ADGRL3: variants seen among roughly 807,000 people sequenced by gnomAD.
ADGRL3 encodes adhesion G protein-coupled receptor L3.
In ADGRL3, 62 loss-of-function variants were observed where a neutral mutation model predicts 153.5. The observed-to-expected ratio is 0.40, with a 90% CI of 0.33 to 0.50. The LOEUF is 0.50. ADGRL3 is among the 20% of genes least tolerant of loss of function. The pLI is 0.47. For synonymous variants in ADGRL3, 710 were observed against 672.5 expected (o/e 1.06, Z -0.86); for missense variants, 1,641 against 1,859.4 (o/e 0.88, Z 2.16).
At chr4:61,283,658 C>A (rs781188639) in intron 1 of ADGRL3, among the ~76,000 whole-genome samples, 1 of 151,876 alleles carries the variant, frequency 6.6e-6, no homozygotes, top group Non-Finnish European at 1.5e-5. Context: ...ATGGTTCAGA[C>A]TTTATTCAAG....
chr4:61,882,218 A>G (rs2098512768), intron 9 of ADGRL3, among the ~76,000 whole-genome samples: 1 of 152,208 alleles, frequency 6.6e-6, no homozygotes. Context: ...TTGTATAAGA[A>G]GGACAAATTC....
intron 5 of ADGRL3, among the ~76,000 whole-genome samples, chr4:61,647,104 C>T (rs545694740): frequency 1.2e-4 from 18 of 152,252 alleles, no homozygotes; most frequent in African/African-American, 4.1e-4. Flanking sequence ...TTGTGCTTCC[C>T]GAGTGAGGCA....
chr4:61,433,827 C>A (rs954092136), intron 2 of ADGRL3, among the ~76,000 whole-genome samples: 3 of 152,056 alleles, frequency 2.0e-5, no homozygotes, highest in African/African-American at 4.8e-5. Context: ...TTTTTAAAAT[C>A]TTTTTCTGCC....
chr4:61,745,646 A>T (rs1189453713), intron 8 of ADGRL3, among the ~76,000 whole-genome samples: 1 of 152,090 alleles, frequency 6.6e-6, no homozygotes, highest in African/African-American at 2.4e-5. Context: ...ATACTTTACA[A>T]ACAAGCAAAT....
At chr4:61,644,430 G>A (rs182359979) in intron 5 of ADGRL3, among the ~76,000 whole-genome samples, 57 of 152,174 alleles carry the variant, frequency 3.7e-4, no homozygotes, top group African/African-American at 1.0e-3. Context: ...GGCATTTAGC[G>A]CTATAAATTT....
At chr4:61,257,145 A>G (rs1452041041) in intron 1 of ADGRL3, among the ~76,000 whole-genome samples, 1 of 152,118 alleles carries the variant, frequency 6.6e-6, no homozygotes. Flanking sequence ...ATTTTATTTC[A>G]CCTTCCAATA....
chr4:61,208,259 A>C (rs2148807262), intron 1 of ADGRL3, among the ~76,000 whole-genome samples: 1 of 152,242 alleles, frequency 6.6e-6, no homozygotes, highest in South Asian at 2.1e-4. Flanking sequence ...TAGGTTGAAT[A>C]AGCTATTGGA....
chr4:61,966,228 G>C (rs971663585), intron 17 of ADGRL3, among the ~76,000 whole-genome samples: 2 of 151,982 alleles, frequency 1.3e-5, no homozygotes, highest in Non-Finnish European at 2.9e-5. Context: ...GCACATAATA[G>C]GTACCCAATA....
chr4:61,207,157 A>C (rs547676376), intron 1 of ADGRL3, among the ~76,000 whole-genome samples: 1 of 152,060 alleles, frequency 6.6e-6, no homozygotes, highest in East Asian at 1.9e-4. Flanking sequence ...CCATCAACCC[A>C]TCATCTACAT....
At chr4:61,516,593 T>G (rs905590558) in intron 3 of ADGRL3, among the ~76,000 whole-genome samples, 7 of 151,424 alleles carry the variant, frequency 4.6e-5, no homozygotes, top group Non-Finnish European at 1.0e-4. Flanking sequence ...TCATGTATAC[T>G]TTTTTTTCAT....
At chr4:61,609,777 G>C (rs1468993275) in intron 5 of ADGRL3, among the ~76,000 whole-genome samples, 1 of 151,944 alleles carries the variant, frequency 6.6e-6, no homozygotes, top group Admixed American at 6.6e-5. Context: ...ATTAAATTAG[G>C]ACCCTCCAGC....
At chr4:61,924,471 T>C (rs1188193143) in intron 13 of ADGRL3, among the ~76,000 whole-genome samples, 2 of 152,176 alleles carry the variant, frequency 1.3e-5, no homozygotes, top group East Asian at 3.9e-4. Flanking sequence ...GAATTAATTT[T>C]CCAGCCAATT....
intron 8 of ADGRL3, among the ~76,000 whole-genome samples, chr4:61,741,316 T>C (rs1308420278): frequency 6.6e-6 from 1 of 152,212 alleles, no homozygotes; most frequent in Non-Finnish European, 1.5e-5. Flanking sequence ...AGATACCACA[T>C]TGTCTCTAAA....
intron 24 of ADGRL3, among the ~76,000 whole-genome samples, chr4:62,038,560 G>T (rs1018137461): frequency 6.6e-6 from 1 of 152,070 alleles, no homozygotes; most frequent in African/African-American, 2.4e-5. Context: ...ACATAGAGTG[G>T]TGTAGGTCAT....
chr4:61,422,397 G>A (rs1243566986), intron 2 of ADGRL3, among the ~76,000 whole-genome samples: 1 of 151,978 alleles, frequency 6.6e-6, no homozygotes, highest in East Asian at 1.9e-4. Context: ...CCAAGATTGT[G>A]GCAAACATAT....
At chr4:61,947,768 T>A (rs529391040) in intron 16 of ADGRL3, among the ~76,000 whole-genome samples, 20 of 152,330 alleles carry the variant, frequency 1.3e-4, no homozygotes, top group Admixed American at 1.0e-3. Context: ...TTTCTAAAGA[T>A]CATCCTTTCA....
At chr4:61,657,102 C>T (rs2094461888) in intron 5 of ADGRL3, among the ~76,000 whole-genome samples, 1 of 152,098 alleles carries the variant, frequency 6.6e-6, no homozygotes, top group Admixed American at 6.6e-5. Context: ...CAATAAAAAA[C>T]ATGTGTTTTT....
chr4:61,458,164 G>C (rs2097773798), intron 2 of ADGRL3, among the ~76,000 whole-genome samples: 2 of 151,318 alleles, frequency 1.3e-5, no homozygotes, highest in Admixed American at 1.3e-4. Context: ...TTATTCCACT[G>C]TTATTTAATT....
intron 13 of ADGRL3, among the ~76,000 whole-genome samples, chr4:61,918,575 G>A (rs1200270330): frequency 6.6e-6 from 1 of 152,074 alleles, no homozygotes; most frequent in Non-Finnish European, 1.5e-5. Context: ...ATGCAGAGAA[G>A]CCAGCAATAG....
Sources: allele counts gnomAD v4.1 joint callset (sites outside exome capture counted in the v4.1 genomes callset), GRCh38; gene constraint gnomAD v4.1.1; transcripts MANE v1.5; gene names NCBI Gene and HGNC (gene_info 2026-07-23, HGNC 2026-07-21).